The following KCNB2 variants were observed in gnomAD, a reference collection of about 807,000 sequenced individuals.
KCNB2 encodes the protein delayed rectifier potassium channel protein.
Under a neutral mutation model 61.5 loss-of-function variants are expected in KCNB2, and 15 were observed. The ratio of observed to expected loss-of-function variants is 0.24; its 90% confidence interval spans 0.16 to 0.38. The LOEUF is 0.38. KCNB2 is among the 10% of genes least tolerant of loss of function. The pLI, the probability that KCNB2 is intolerant of heterozygous loss-of-function variation, is 1.00. For synonymous variants in KCNB2, 457 were observed against 446.0 expected, an observed-to-expected ratio of 1.02 and a Z score of -0.31; for missense variants, 828 against 1,125.2, an observed-to-expected ratio of 0.74 and a Z score of 3.78.
chr8:72,664,179 G>T (rs889335323), intron 2 of KCNB2, among the ~76,000 whole-genome samples: 1 of 152,162 alleles, frequency 6.6e-6, no homozygotes, highest in Non-Finnish European at 1.5e-5. Context: ...TTTGTCCAGC[G>T]GATACCCTGT....
At chr8:72,773,755 A>G (rs898434574) in intron 2 of KCNB2, among the ~76,000 whole-genome samples, 2 of 152,196 alleles carry the variant, frequency 1.3e-5, no homozygotes, top group Non-Finnish European at 2.9e-5. Context: ...CCTAGAGTTC[A>G]TTTACCTTCA....
At chr8:72,805,326 G>A (rs1268771555) in intron 2 of KCNB2, among the ~76,000 whole-genome samples, 2 of 152,086 alleles carry the variant, frequency 1.3e-5, no homozygotes, top group African/African-American at 4.8e-5. Context: ...TTCTCCCTTT[G>A]GCCATGGTTC....
intron 1 of KCNB2, among the ~76,000 whole-genome samples, chr8:72,540,052 G>A (rs1177590210): frequency 6.6e-6 from 1 of 152,174 alleles, no homozygotes; most frequent in African/African-American, 2.4e-5. Flanking sequence ...GTGCAAGTCT[G>A]CAGAGCATCT....
intron 2 of KCNB2, among the ~76,000 whole-genome samples, chr8:72,575,204 T>G (rs952660990): frequency 1.3e-5 from 2 of 152,168 alleles, no homozygotes; most frequent in African/African-American, 2.4e-5. Flanking sequence ...GCTCATTGTC[T>G]TATCCATGTT....
At chr8:72,838,466 AT>A (rs1809820399) in intron 2 of KCNB2, among the ~76,000 whole-genome samples, 1 of 152,188 alleles carries the variant, frequency 6.6e-6, no homozygotes, top group Non-Finnish European at 1.5e-5. Flanking sequence ...GCTGCATAGT[AT>A]TCCATGGTAT....
intron 2 of KCNB2, among the ~76,000 whole-genome samples, chr8:72,711,813 C>T (rs904816269): frequency 2.0e-5 from 3 of 152,096 alleles, no homozygotes; most frequent in African/African-American, 7.2e-5. Context: ...CATGATGAAA[C>T]CCCATCTCTA....
At chr8:72,743,681 C>A (rs1160524495) in intron 2 of KCNB2, among the ~76,000 whole-genome samples, 1 of 152,140 alleles carries the variant, frequency 6.6e-6, no homozygotes, top group East Asian at 1.9e-4. Flanking sequence ...CTGAGACAGG[C>A]AACCAACCAA....
At chr8:72,601,785 G>A (rs528110789) in intron 2 of KCNB2, among the ~76,000 whole-genome samples, 5 of 152,272 alleles carry the variant, frequency 3.3e-5, no homozygotes, top group African/African-American at 1.2e-4. Context: ...TGAAATGCCA[G>A]TTCAGTACAG....
chr8:72,921,898 G>T lies in KCNB2; in HGVS notation c.580-14037G>T, dbSNP rs142677578. Among the ~76,000 whole-genome samples, 1,425 of 152,256 alleles carry T rather than the reference G, an allele frequency of 9.4e-3. 24 individuals carry two copies. Among genetic ancestry groups the T allele is most frequent in the African/African-American group, 0.032 (1,337 of 41,538 alleles). On this transcript the variant is annotated intron_variant, in intron 2 of 2. Transcript: ENST00000523207. ...TTCCTCTCCTTTTCAAATGACATTA[G>T]ATTTACTTTTGAAAGGAATGTATGA...
intron 2 of KCNB2, among the ~76,000 whole-genome samples, chr8:72,891,639 C>T (rs919920397): frequency 2.6e-5 from 4 of 152,124 alleles, no homozygotes; most frequent in African/African-American, 4.8e-5. Flanking sequence ...GACAGAACTT[C>T]GATGAAGAAA....
Position 72,810,349 on chromosome 8 carries a change from G to A in KCNB2, c.580-125586G>A, listed in dbSNP as rs539049456. The stretch of plus-strand genomic sequence containing the variant: ...ATAAGAGGCAGAAACCTGGACTGTC[G>A]CTGATAAACAGAGATTTGTGATCAC... On this transcript the variant is annotated intron_variant, in intron 2 of 2. Transcript: ENST00000523207. Among the ~76,000 whole-genome samples the A allele has an allele frequency of 2.2e-4, 33 of 152,294 alleles. No individual in the cohort carries two copies. The East Asian group carries it at 2.9e-3, about 13-fold the overall frequency.
chr8:72,673,738 A>C (rs919325709), intron 2 of KCNB2, among the ~76,000 whole-genome samples: 2 of 152,226 alleles, frequency 1.3e-5, no homozygotes, highest in African/African-American at 4.8e-5. Context: ...TGTACATAGA[A>C]TAGACAAATT....
intron 2 of KCNB2, among the ~76,000 whole-genome samples, chr8:72,622,263 C>T (rs1014631474): frequency 2.0e-5 from 3 of 152,004 alleles, no homozygotes; most frequent in Admixed American, 1.3e-4. Context: ...TTTTAAGTGG[C>T]GTATAAGTGA....
chr8:72,828,411 C>A (rs1054222591), intron 2 of KCNB2, among the ~76,000 whole-genome samples: 6 of 152,018 alleles, frequency 3.9e-5, no homozygotes, highest in African/African-American at 1.4e-4. Flanking sequence ...CATCATATGG[C>A]CCTAGCAGAG....
intron 2 of KCNB2, among the ~76,000 whole-genome samples, chr8:72,747,342 A>G (rs1808093579): frequency 6.6e-6 from 1 of 152,178 alleles, no homozygotes; most frequent in Admixed American, 6.6e-5. Flanking sequence ...GGGCAGATGG[A>G]CAGTGAGTGG....
chr8:72,903,674 C>T (rs1806124385), intron 2 of KCNB2, among the ~76,000 whole-genome samples: 1 of 152,172 alleles, frequency 6.6e-6, no homozygotes, highest in Non-Finnish European at 1.5e-5. Flanking sequence ...AATAACCTCT[C>T]AAATATTCCA....
chr8:72,593,538 A>G (rs7826656), intron 2 of KCNB2, among the ~76,000 whole-genome samples: 4,614 of 152,208 alleles, frequency 0.03, 231 homozygotes, highest in African/African-American at 0.1. Flanking sequence ...TTTCTCTCTT[A>G]TCTCTGCTTT....
chr8:72,749,677 T>G (rs896994427), intron 2 of KCNB2, among the ~76,000 whole-genome samples: 6 of 149,194 alleles, frequency 4.0e-5, no homozygotes, highest in African/African-American at 1.5e-4. Flanking sequence ...TAAAAGATTT[T>G]TTTACTATGT....
chr8:72,648,315 T>A (rs990355713), intron 2 of KCNB2, among the ~76,000 whole-genome samples: 1 of 152,218 alleles, frequency 6.6e-6, no homozygotes, highest in Non-Finnish European at 1.5e-5. Context: ...TTTTGATAAA[T>A]GCTTTGTCTA....
Sources: gnomAD v4.1 joint callset for allele counts (sites outside exome capture counted in the v4.1 genomes callset) on GRCh38, gnomAD v4.1.1 for gene constraint, MANE v1.5 for transcripts, NCBI Gene and HGNC (gene_info 2026-07-23, HGNC 2026-07-21) for gene names.